Variants in CDH13 observed in about 807,000 individuals in gnomAD.
The protein encoded by CDH13 is cadherin 13.
CDH13 carries 24 observed loss-of-function variants against 63.8 expected under a neutral mutation model. The ratio of observed to expected loss-of-function variants is 0.38; its 90% confidence interval spans 0.27 to 0.53. CDH13 has a LOEUF of 0.53. Among genes scored for constraint, CDH13 ranks in the 20% least tolerant of loss-of-function variants. The pLI, the probability that CDH13 is intolerant of heterozygous loss-of-function variation, is 0.85. For synonymous variants in CDH13, 503 were observed against 355.3 expected, an observed-to-expected ratio of 1.42 and a Z score of -4.67; for missense variants, 1,049 against 903.1, an observed-to-expected ratio of 1.16 and a Z score of -2.07.
intron 12 of CDH13, among the ~76,000 whole-genome samples, chr16:83,782,561 C>A (rs896983540): frequency 6.6e-6 from 1 of 151,944 alleles, no homozygotes; most frequent in South Asian, 2.1e-4. Context: ...TATGGTGAAA[C>A]CCCATCAGTA....
chr16:83,376,748 T>C (rs774709799), intron 6 of CDH13, among the ~76,000 whole-genome samples: 2 of 152,142 alleles, frequency 1.3e-5, no homozygotes, highest in African/African-American at 2.4e-5. Context: ...CCAGAAATCT[T>C]TGAGCATCTT....
intron 1 of CDH13, among the ~76,000 whole-genome samples, chr16:82,666,308 A>G (rs1014568293): frequency 6.6e-6 from 1 of 152,218 alleles, no homozygotes; most frequent in East Asian, 1.9e-4. Flanking sequence ...TATCTTGTGT[A>G]TTTTAAGTAA....
In CDH13 at chr16:83,073,414, T is replaced by C. The variant is rs369724928; in HGVS notation, c.366+41196T>C. The stretch of plus-strand genomic sequence containing the variant: ...ACCACACCATACTACCTCCATTTTA[T>C]ATTAAACAGAATATTGGAATCTTGA... On this transcript the variant is annotated intron_variant, in intron 3 of 13. Transcript: ENST00000567109. 2.8e-4 allele frequency among the ~76,000 whole-genome samples: 42 copies of C among 151,590 alleles called. No homozygotes were observed. In the East Asian group the frequency reaches 3.1e-3, roughly 11 times the overall value.
At chr16:82,962,668 G>T (rs1262785391) in intron 2 of CDH13, among the ~76,000 whole-genome samples, 1 of 152,146 alleles carries the variant, frequency 6.6e-6, no homozygotes, top group Non-Finnish European at 1.5e-5. Flanking sequence ...GGGAAGTCAT[G>T]AAGGCCAAGC....
intron 1 of CDH13, among the ~76,000 whole-genome samples, chr16:82,679,748 T>A (rs1320967155): frequency 6.6e-6 from 1 of 152,198 alleles, no homozygotes; most frequent in East Asian, 1.9e-4. Context: ...TCATTTACAA[T>A]GAGAATGTGT....
chr16:82,741,832 G>T (rs545782226), intron 1 of CDH13, among the ~76,000 whole-genome samples: 1 of 152,176 alleles, frequency 6.6e-6, no homozygotes, highest in East Asian at 1.9e-4. Flanking sequence ...ATCTGGCATT[G>T]CCAACTGGAG....
intron 1 of CDH13, among the ~76,000 whole-genome samples, chr16:82,856,666 C>A (rs1486001304): frequency 7.9e-6 from 1 of 125,930 alleles, no homozygotes; most frequent in African/African-American, 3.1e-5. Context: ...TGCACTCCAG[C>A]CTGGGCAACA....
chr16:82,827,355 C>T (rs1183331351), intron 1 of CDH13, among the ~76,000 whole-genome samples: 1 of 152,038 alleles, frequency 6.6e-6, no homozygotes, highest in African/African-American at 2.4e-5. Flanking sequence ...CATTGGGTGT[C>T]TTTAAGGTAT....
chr16:83,386,931 G>C (rs2091685541), intron 6 of CDH13, among the ~76,000 whole-genome samples: 1 of 152,158 alleles, frequency 6.6e-6, no homozygotes, highest in African/African-American at 2.4e-5. Context: ...ATTGCATCTA[G>C]AAAGCCAAAG....
intron 6 of CDH13, among the ~76,000 whole-genome samples, chr16:83,456,457 G>A (rs766536511): frequency 6.6e-6 from 1 of 152,274 alleles, no homozygotes; most frequent in African/African-American, 2.4e-5. Context: ...CGTGAAAGAC[G>A]TCATGACAGT....
At chr16:83,468,371 A>G (rs1351580826) in intron 6 of CDH13, among the ~76,000 whole-genome samples, 1 of 152,200 alleles carries the variant, frequency 6.6e-6, no homozygotes, top group African/African-American at 2.4e-5. Flanking sequence ...AAAGCTGCAT[A>G]TGGTAAGGAA....
chr16:83,396,092 G>C (rs1159755796), intron 6 of CDH13, among the ~76,000 whole-genome samples: 1 of 152,164 alleles, frequency 6.6e-6, no homozygotes, highest in African/African-American at 2.4e-5. Context: ...ATGGCCTCCA[G>C]TTCTGTCCAT....
chr16:83,035,171 T>G (rs773960163), intron 3 of CDH13, among the ~76,000 whole-genome samples: 1 of 152,140 alleles, frequency 6.6e-6, no homozygotes, highest in Non-Finnish European at 1.5e-5. Flanking sequence ...CATACCTCAA[T>G]GGATATGCAC....
intron 1 of CDH13, among the ~76,000 whole-genome samples, chr16:82,758,904 G>A (rs2034725129): frequency 6.6e-6 from 1 of 152,190 alleles, no homozygotes; most frequent in Non-Finnish European, 1.5e-5. Context: ...GCCTCGGCCA[G>A]TCTTTTCTTA....
intron 1 of CDH13, among the ~76,000 whole-genome samples, chr16:82,797,774 CGTGT>C (rs3046484): frequency 0.011 from 1,540 of 145,610 alleles, 17 homozygotes; most frequent in African/African-American, 0.026. Flanking sequence ...ACTTTAGGGC[CGTGT>C]GTGTGTGTGT....
chr16:82,742,301 A>G (rs2033967773), intron 1 of CDH13, among the ~76,000 whole-genome samples: 1 of 152,178 alleles, frequency 6.6e-6, no homozygotes, highest in African/African-American at 2.4e-5. Flanking sequence ...TCACAGGATG[A>G]TCTTATTTTT....
intron 10 of CDH13, among the ~76,000 whole-genome samples, chr16:83,703,433 G>A (rs1376292195): frequency 6.6e-6 from 1 of 152,236 alleles, no homozygotes; most frequent in Non-Finnish European, 1.5e-5. Flanking sequence ...GTTGCCATAT[G>A]ATGGAATAAT....
chr16:83,727,046 A>G lies in CDH13; in HGVS notation c.1539-21062A>G, dbSNP rs915660117. Among the ~76,000 whole-genome samples the G allele has an allele frequency of 4.6e-5, 7 of 152,296 alleles. No individual in the cohort carries two copies. In the East Asian group the frequency reaches 7.7e-4, roughly 17 times the overall value. Reference sequence around the variant, plus strand: ...TGAGATATAATTCACATACCGTACAATTCACCCATTTAAAATATACAATTC... The same window carrying G: ...TGAGATATAATTCACATACCGTACAGTTCACCCATTTAAAATATACAATTC... On this transcript the variant is annotated intron_variant, in intron 10 of 13. Transcript: ENST00000567109.
chr16:83,075,396 A>G (rs1445051777), intron 3 of CDH13, among the ~76,000 whole-genome samples: 1 of 152,232 alleles, frequency 6.6e-6, no homozygotes, highest in Non-Finnish European at 1.5e-5. Flanking sequence ...TACATGTAGC[A>G]TGTGAGCTGG....
Sources: gnomAD v4.1 joint callset for allele counts (sites outside exome capture counted in the v4.1 genomes callset) on GRCh38, gnomAD v4.1.1 for gene constraint, MANE v1.5 for transcripts, NCBI Gene and HGNC (gene_info 2026-07-23, HGNC 2026-07-21) for gene names.